Variants in DPP4 observed in about 807,000 individuals in gnomAD.
DPP4 encodes ADCP-2.
In DPP4, 93 loss-of-function variants were observed where a neutral mutation model predicts 122.4. That is an observed-to-expected ratio of 0.76 (90% CI 0.64 to 0.90). The LOEUF (loss-of-function observed/expected upper bound fraction) is 0.90, where lower values mean the gene tolerates loss of function less well. Among genes scored for constraint, DPP4 ranks in the 40% least tolerant of loss-of-function variants. The pLI, the probability that DPP4 is intolerant of heterozygous loss-of-function variation, is 0.00. For synonymous variants in DPP4, 321 were observed against 302.9 expected, an observed-to-expected ratio of 1.06 and a Z score of -0.62; for missense variants, 914 against 907.3, an observed-to-expected ratio of 1.01 and a Z score of -0.09.
intron 23 of DPP4, among the ~76,000 whole-genome samples, chr2:162,002,194 C>G (rs1338610989): frequency 6.6e-6 from 1 of 152,156 alleles, no homozygotes; most frequent in East Asian, 1.9e-4. Flanking sequence ...AACAACTGCA[C>G]AAGGCATCCC....
chr2:162,026,084 C>T (rs1683322295), intron 10 of DPP4, among the ~76,000 whole-genome samples: 1 of 152,338 alleles, frequency 6.6e-6, no homozygotes, highest in African/African-American at 2.4e-5. Flanking sequence ...TATTGTCATA[C>T]TGAAGGACCA....
chr2:162,018,489 T>C (rs999963221), intron 16 of DPP4, among the ~76,000 whole-genome samples: 1 of 152,226 alleles, frequency 6.6e-6, no homozygotes, highest in African/African-American at 2.4e-5. Flanking sequence ...GAAGTGCTTC[T>C]GTTATACACA....
intron 2 of DPP4, among the ~76,000 whole-genome samples, chr2:162,052,868 A>G (rs1684429788): frequency 6.6e-6 from 1 of 152,210 alleles, no homozygotes; most frequent in African/African-American, 2.4e-5. Context: ...GATCTCAGAT[A>G]GAAATAAAGA....
chr2:162,052,085 G>A (rs967056431), intron 2 of DPP4, among the ~76,000 whole-genome samples: 10 of 152,016 alleles, frequency 6.6e-5, no homozygotes, highest in African/African-American at 1.7e-4. Flanking sequence ...TTGGGAGGTC[G>A]AGGTGGGCAG....
chr2:162,018,895 G>A lies in DPP4; in HGVS notation c.1299-45C>T, dbSNP rs141998287. On this transcript the variant is annotated intron_variant, in intron 15 of 25. Transcript: ENST00000360534. ...AATTAAGTGCTTGAAGAAAAGATAA[G>A]TGAGAGGAAGGAACTGAATAAAGCC... is the stretch of plus-strand genomic sequence containing the variant. The A allele has an allele frequency of 7.5e-3, 12,157 of 1,610,264 alleles. 71 individuals are homozygous for A. The highest frequency in any genetic ancestry group is 0.02 in the Middle Eastern group (122 of 6,038).
intron 3 of DPP4, among the ~76,000 whole-genome samples, 158 bp from the exon 4 acceptor site, chr2:162,047,164 T>G (rs1254695006): frequency 6.6e-6 from 1 of 152,192 alleles, no homozygotes; most frequent in Non-Finnish European, 1.5e-5. Flanking sequence ...ATTCATTTTT[T>G]CATCATTATT....
Position 162,045,545 on chromosome 2 carries a change from T to C in DPP4, c.353A>G (p.Tyr118Cys), listed in dbSNP as rs771152512. 1.9e-6 allele frequency: 3 copies of C among 1,608,606 alleles called. No homozygotes were observed. In the African/African-American group the frequency reaches 4.0e-5, roughly 21 times the overall value. Reference protein sequence around the residue: ...SPDGQFILLEYNYVKQWRHSY... With the variant: ...SPDGQFILLECNYVKQWRHSY... ...CATTTATTTTACCTTCACGTAGTTG[T>C]ATTCTAAGAGAATAAACTGCCCATC... Residue 118 changes from tyrosine to cysteine, a missense_variant, in exon 5 of 26, where the codon TAC (tyrosine) becomes TGC (cysteine). By Grantham distance (194) the Tyr-to-Cys change is radical (BLOSUM62 -2). Transcript: ENST00000360534.
At chr2:162,006,654 G>T (rs1701289657) in intron 22 of DPP4, among the ~76,000 whole-genome samples, 1 of 152,058 alleles carries the variant, frequency 6.6e-6, no homozygotes, top group South Asian at 2.1e-4. Flanking sequence ...ATTTTGGATA[G>T]TTAAACATAT....
In DPP4 at chr2:162,019,279, AGG is replaced by A. The variant is rs747061192; in HGVS notation, c.1245-5_1245-4del. The A allele has an allele frequency of 6.6e-7, 1 of 1,515,328 alleles. No homozygotes were observed. Among genetic ancestry groups the A allele is most frequent in the South Asian group, 1.2e-5 (1 of 84,522 alleles). The allele number at this position is 1,515,328 out of a possible 1,614,324, so 93.9% of individuals were successfully genotyped here. A position where few individuals can be genotyped will look rare whatever the true frequency, so the allele number is the denominator to read the frequency against. On this transcript the variant is annotated splice_polypyrimidine_tract_variant and splice_region_variant and intron_variant, in intron 14 of 25. Transcript: ENST00000360534. ...TATATTCATTACTAATGTAGTATCT[AGG>A]AAGAGAAAAAAATGAAATATATATT...
intron 2 of DPP4, among the ~76,000 whole-genome samples, chr2:162,049,896 TA>T (rs1247630283): frequency 1.3e-5 from 2 of 152,248 alleles, no homozygotes; most frequent in African/African-American, 4.8e-5. Context: ...TGATTTTATT[TA>T]AACCTTGTTC....
Position 162,047,777 on chromosome 2 carries a change from T to C in DPP4, c.95-276A>G, listed in dbSNP as rs1157685713. Among the ~76,000 whole-genome samples the C allele has an allele frequency of 3.3e-5, 5 of 152,194 alleles. No homozygotes were observed. The East Asian group carries it at 9.6e-4, about 29-fold the overall frequency. ...GAAGGTCTAGATCAGCTATGTCCTA[T>C]AGAAATAGAATGTGAGTATATTTTC... On this transcript the variant is annotated intron_variant, in intron 2 of 25. Coordinates refer to ENST00000360534, the MANE Select transcript of DPP4 (RefSeq NM_001935.4).
In DPP4 at chr2:162,019,268, A is replaced by G. The variant is rs200599023; in HGVS notation, c.1253T>C (p.Ile418Thr). 28 of 1,555,604 alleles carry G rather than the reference A, an allele frequency of 1.8e-5. No homozygotes were observed. The highest frequency in any genetic ancestry group is 2.2e-5 in the Non-Finnish European group (25 of 1,132,566). ...EALTSDYLYY[I>T]SNEYKGMPGG... ...TGGCATTCCTTTATATTCATTACTA[A>G]TGTAGTATCTAGGAAGAGAAAAAAA... is the stretch of plus-strand genomic sequence containing the variant. Residue 418 changes from isoleucine (I) to threonine (T), a missense_variant, in exon 15 of 26, where the codon ATT becomes ACT. Transcript: ENST00000360534.
chr2:162,033,862 G>GTGTATATATATATA (rs1184597685), intron 9 of DPP4, among the ~76,000 whole-genome samples: 183 of 104,020 alleles, frequency 1.8e-3, no homozygotes, highest in Admixed American at 2.8e-3. Flanking sequence ...CAGAATATGT[G>GTGTATATATATATA]TATATATATA....
At chr2:162,049,229 C>T (rs917970369) in intron 2 of DPP4, among the ~76,000 whole-genome samples, 1 of 152,174 alleles carries the variant, frequency 6.6e-6, no homozygotes, top group African/African-American at 2.4e-5. Context: ...AATGCTCTTT[C>T]AAACAATGTT....
At chr2:162,019,187 A>C (rs1421163005) in intron 15 of DPP4, 36 bp downstream of exon 15, 1 of 1,563,934 alleles carries the variant, frequency 6.4e-7, no homozygotes. Context: ...TCGTCAGCTA[A>C]AATGACTCAA....
At chr2:162,052,310 C>T (rs1173312064) in intron 2 of DPP4, among the ~76,000 whole-genome samples, 1 of 115,912 alleles carries the variant, frequency 8.6e-6, no homozygotes, top group Non-Finnish European at 1.7e-5. Context: ...AAGAGCGAAA[C>T]TCCATCTCAA....
chr2:162,074,096 C>G lies in DPP4; in HGVS notation c.-115G>C, dbSNP rs1013269513. 1 of 1,483,074 alleles carries G rather than the reference C, an allele frequency of 6.7e-7. No individual in the cohort carries two copies. The highest frequency in any genetic ancestry group is 9.0e-7 in the Non-Finnish European group (1 of 1,116,226). 91.9% of individuals were successfully genotyped at this position (1,483,074 alleles called of 1,614,324 possible). ...CTCCGGGCGGTGGAGTCACTCGCCG[C>G]TGGCAAGTTTCGGCCCCGAGTTAAA... On this transcript the variant is annotated 5_prime_UTR_variant, in exon 1 of 26. Transcript: ENST00000360534.
chr2:162,001,996 G>T (rs1185889117), intron 23 of DPP4, among the ~76,000 whole-genome samples: 1 of 152,128 alleles, frequency 6.6e-6, no homozygotes, highest in Non-Finnish European at 1.5e-5. Context: ...CCAGTAGTTG[G>T]ATGATTATCT....
At chr2:162,038,799 G>C in intron 7 of DPP4, 150 bp downstream of exon 7, 1 of 710,264 alleles carries the variant, frequency 1.4e-6, no homozygotes, top group Non-Finnish European at 2.4e-6. Flanking sequence ...AAGTTCAGCT[G>C]CAGACAAACA....
Sources: gnomAD v4.1 joint callset for allele counts (sites outside exome capture counted in the v4.1 genomes callset) on GRCh38, gnomAD v4.1.1 for gene constraint, MANE v1.5 for transcripts, NCBI Gene and HGNC (gene_info 2026-07-23, HGNC 2026-07-21) for gene names.